Variants in ARHGEF9 observed in about 807,000 individuals in gnomAD.
ARHGEF9 encodes rho guanine nucleotide exchange factor 9.
A neutral mutation model predicts 41.3 loss-of-function variants in ARHGEF9; 2 were observed. The observed-to-expected ratio is 0.05, with a 90% confidence interval of 0.02 to 0.15. The LOEUF (loss-of-function observed/expected upper bound fraction) is 0.15, where lower values mean the gene tolerates loss of function less well. ARHGEF9 is among the 10% of genes least tolerant of loss of function. ARHGEF9 has a pLI of 1.00. For synonymous variants in ARHGEF9, 160 were observed against 154.4 expected (o/e 1.04, Z -0.27); for missense variants, 225 against 424.7 (o/e 0.53, Z 4.13).
intron 8 of ARHGEF9, among the ~76,000 whole-genome samples, chrX:63,646,829 C>A (rs1353127776): frequency 9.0e-6 from 1 of 111,694 alleles, no homozygotes; most frequent in Non-Finnish European, 1.9e-5. Context: ...GCAGTATGGC[C>A]ATTTTCACAA....
chrX:63,730,519 C>T (rs1441683222), intron 1 of ARHGEF9, among the ~76,000 whole-genome samples: 5 of 111,980 alleles, frequency 4.5e-5, no homozygotes, highest in African/African-American at 9.8e-5. Flanking sequence ...CCTCAGAGGT[C>T]TTGTTAAAAC....
In ARHGEF9 at chrX:63,655,343, C is replaced by A. The variant is rs1226618028; in HGVS notation, c.1321+151G>T. ...GACTAATGGAAGCTATTGGTACTTA[C>A]CAAAAAGAACCTAATAATAAGGAAC... On this transcript the variant is annotated intron_variant, in intron 8 of 9. Transcript: ENST00000671741. 2.2e-5 allele frequency: 19 copies of A among 846,188 alleles called. No individual in the cohort carries two copies. The African/African-American group carries it at 3.0e-4, about 14-fold the overall frequency. The allele number at this position is 846,188 out of a possible 1,213,427, so 69.7% of individuals were successfully genotyped here.
chrX:63,718,044 T>A (rs2053419236), intron 2 of ARHGEF9, among the ~76,000 whole-genome samples: 1 of 111,257 alleles, frequency 9.0e-6, no homozygotes, highest in Non-Finnish European at 1.9e-5. Flanking sequence ...GAGCTGTCAG[T>A]TTTCACTTCT....
intron 1 of ARHGEF9, among the ~76,000 whole-genome samples, chrX:63,780,955 T>C (rs1425281041): frequency 1.8e-5 from 2 of 111,753 alleles, no homozygotes; most frequent in Non-Finnish European, 3.8e-5. Flanking sequence ...TAAACAATAA[T>C]AACATAGTGA....
chrX:63,736,131 C>T (rs113055276), intron 1 of ARHGEF9, among the ~76,000 whole-genome samples: 1,627 of 111,724 alleles, frequency 0.015, 35 homozygotes, highest in African/African-American at 0.051. Flanking sequence ...GACCTTGAAA[C>T]CAAAGACTTA....
rs535283051 is a variant in ARHGEF9 at position 63,671,712 on chromosome X, T to C, written c.945+2326A>G. The stretch of plus-strand genomic sequence containing the variant: ...GAGAGTAAGTGTGTGAGAGTATGTG[T>C]ACATGTGCATATGTGCATGTGTATA... On this transcript the variant is annotated intron_variant, in intron 6 of 9. Transcript: ENST00000671741. Among the ~76,000 whole-genome samples the C allele has an allele frequency of 1.9e-4, 21 of 112,471 alleles. 1 individual carries two copies. In the South Asian group the frequency reaches 6.3e-3, roughly 34 times the overall value.
chrX:63,677,790 AC>A (rs1250136251), intron 5 of ARHGEF9, among the ~76,000 whole-genome samples: 2 of 110,651 alleles, frequency 1.8e-5, no homozygotes, highest in South Asian at 3.9e-4. Context: ...TGCCCACCAA[AC>A]CCCCAAAAAG....
At chrX:63,706,917 G>A (rs1602493178) in intron 2 of ARHGEF9, among the ~76,000 whole-genome samples, 2 of 112,112 alleles carry the variant, frequency 1.8e-5, no homozygotes, top group Middle Eastern at 4.7e-3. Context: ...CCTTGGACAT[G>A]CAAAGATCTC....
chrX:63,732,998 C>A (rs1387747216), intron 1 of ARHGEF9, among the ~76,000 whole-genome samples: 4 of 111,809 alleles, frequency 3.6e-5, no homozygotes, highest in Non-Finnish European at 1.9e-5. Context: ...TTTCAGTAAC[C>A]TTATCTACCT....
chrX:63,736,217 G>A (rs1180881594), intron 1 of ARHGEF9, among the ~76,000 whole-genome samples: 2 of 111,797 alleles, frequency 1.8e-5, no homozygotes, highest in Admixed American at 9.5e-5. Flanking sequence ...CACCCTCAAA[G>A]CTCAGAAGGG....
intron 8 of ARHGEF9, among the ~76,000 whole-genome samples, chrX:63,649,214 A>C (rs1422680296): frequency 2.7e-5 from 3 of 111,816 alleles, no homozygotes; most frequent in Admixed American, 9.5e-5. Context: ...GCAAATGTAA[A>C]AGAACAGAAA....
At chrX:63,767,452 G>A (rs1391613363) in intron 1 of ARHGEF9, 1 of 317,933 alleles carries the variant, frequency 3.1e-6, no homozygotes, top group Non-Finnish European at 5.8e-6. Flanking sequence ...ATCTAGTTCT[G>A]TAATATTTTT....
chrX:63,783,305 G>T (rs781893264), intron 1 of ARHGEF9, among the ~76,000 whole-genome samples: 37 of 100,082 alleles, frequency 3.7e-4, no homozygotes, highest in African/African-American at 1.2e-3. Context: ...ATGGAGTTTC[G>T]CTCTTGTTGC....
intron 9 of ARHGEF9, 96 bp downstream of exon 9, chrX:63,643,884 C>G: frequency 1.0e-6 from 1 of 960,711 alleles, no homozygotes; most frequent in South Asian, 2.2e-5. Context: ...CCACCACCCC[C>G]AAGTAAACCT....
rs782451866 is a variant in ARHGEF9 at position 63,735,368 on chromosome X, G to A, written c.31-10657C>T. Among the ~76,000 whole-genome samples, 4 of 111,455 alleles carry A rather than the reference G, an allele frequency of 3.6e-5. No individual in the cohort carries two copies. The East Asian group carries it at 8.5e-4, about 24-fold the overall frequency. On this transcript the variant is annotated intron_variant, in intron 1 of 9. Coordinates refer to ENST00000671741, the MANE Select transcript of ARHGEF9 (RefSeq NM_001353921.2). The stretch of plus-strand genomic sequence containing the variant: ...TGTTTCCAGAAGGTAGGAGGAGGGG[G>A]CTAGAACTACAAGAAGAATCTGTCC...
At chrX:63,645,412 T>C (rs1392399338) in intron 8 of ARHGEF9, among the ~76,000 whole-genome samples, 1 of 110,972 alleles carries the variant, frequency 9.0e-6, no homozygotes, top group Non-Finnish European at 1.9e-5. Flanking sequence ...CAGTGTGTGA[T>C]GTTCCCCTTC....
chrX:63,754,685 G>C (rs1287273847), intron 1 of ARHGEF9: 6 of 959,939 alleles, frequency 6.3e-6, no homozygotes, highest in Non-Finnish European at 7.8e-6. Flanking sequence ...TGCTAGAAAG[G>C]AGAGGAGGAA....
chrX:63,694,352 C>T (rs2147430839), intron 4 of ARHGEF9, among the ~76,000 whole-genome samples: 1 of 111,836 alleles, frequency 8.9e-6, no homozygotes, highest in South Asian at 3.7e-4. Context: ...AACCCTAACC[C>T]TGGAAGTCCT....
intron 1 of ARHGEF9, among the ~76,000 whole-genome samples, chrX:63,777,938 G>A (rs2056319659): frequency 8.9e-6 from 1 of 112,545 alleles, no homozygotes; most frequent in African/African-American, 3.2e-5. Flanking sequence ...GCTTTTCCAG[G>A]CACACAGTGC....
Sources: gnomAD v4.1 joint callset for allele counts (sites outside exome capture counted in the v4.1 genomes callset) on GRCh38, gnomAD v4.1.1 for gene constraint, MANE v1.5 for transcripts, NCBI Gene and HGNC (gene_info 2026-07-23, HGNC 2026-07-21) for gene names.